The following PRKN variants were observed in gnomAD, a reference collection of about 807,000 sequenced individuals.
PRKN encodes the protein parkin RBR E3 ubiquitin protein ligase.
Under a neutral mutation model 59.5 loss-of-function variants are expected in PRKN, and 56 were observed. The ratio of observed to expected loss-of-function variants is 0.94; its 90% confidence interval spans 0.76 to 1.18. PRKN has a LOEUF of 1.18. Among genes scored for constraint, PRKN ranks in the 50% most tolerant of loss-of-function variants. The probability of loss-of-function intolerance (pLI) is 0.00; values close to 1 mark genes in which losing one functional copy is unlikely to be tolerated. For synonymous variants in PRKN, 250 were observed against 222.1 expected (o/e 1.13, Z -1.12); for missense variants, 657 against 596.4 (o/e 1.10, Z -1.06).
intron 4 of PRKN, among the ~76,000 whole-genome samples, chr6:162,143,822 A>G (rs995475944): frequency 1.3e-5 from 2 of 152,308 alleles, no homozygotes; most frequent in East Asian, 3.9e-4. Flanking sequence ...ATTCAAGAAG[A>G]CAGGAGTGAA....
At chr6:162,493,877 A>C (rs1211001708) in intron 1 of PRKN, among the ~76,000 whole-genome samples, 4 of 152,110 alleles carry the variant, frequency 2.6e-5, no homozygotes, top group Non-Finnish European at 5.9e-5. Flanking sequence ...CTTCAGGAAA[A>C]CCAGCCTCCT....
chr6:162,135,741 T>C (rs1413099459), intron 4 of PRKN, among the ~76,000 whole-genome samples: 1 of 151,886 alleles, frequency 6.6e-6, no homozygotes, highest in African/African-American at 2.4e-5. Context: ...AGGTGAAAGG[T>C]GAAAGGCTGA....
chr6:162,577,693 C>G (rs1316121671), intron 1 of PRKN, among the ~76,000 whole-genome samples: 2 of 152,042 alleles, frequency 1.3e-5, no homozygotes, highest in Non-Finnish European at 2.9e-5. Flanking sequence ...CTTTGGGAAG[C>G]CAAGAGAGAA....
At chr6:162,254,078 A>G (rs187302146) in intron 3 of PRKN, among the ~76,000 whole-genome samples, 2 of 152,312 alleles carry the variant, frequency 1.3e-5, no homozygotes, top group East Asian at 3.9e-4. Flanking sequence ...GAACAACTTC[A>G]TGAAGATGCA....
intron 5 of PRKN, among the ~76,000 whole-genome samples, chr6:161,975,636 TA>T (rs1471142070): frequency 6.6e-6 from 1 of 152,116 alleles, no homozygotes; most frequent in Non-Finnish European, 1.5e-5. Context: ...ACGGACTTGC[TA>T]AACCAGAGAT....
At chr6:162,335,637 G>T (rs570046422) in intron 2 of PRKN, among the ~76,000 whole-genome samples, 6 of 152,212 alleles carry the variant, frequency 3.9e-5, no homozygotes, top group African/African-American at 1.2e-4. Flanking sequence ...TTCTTTAAAA[G>T]AAGTTGACTT....
intron 7 of PRKN, chr6:161,716,280 A>G (rs1193092793): frequency 9.3e-6 from 4 of 428,452 alleles, no homozygotes; most frequent in Admixed American, 7.8e-5. Context: ...AGGAGGAACT[A>G]GAGGCATTTT....
chr6:162,321,333 GA>G (rs1783015215), intron 2 of PRKN, among the ~76,000 whole-genome samples: 1 of 151,794 alleles, frequency 6.6e-6, no homozygotes, highest in Admixed American at 6.6e-5. Flanking sequence ...AAGCCAGAGA[GA>G]AAAGAAAACT....
intron 6 of PRKN, among the ~76,000 whole-genome samples, chr6:161,886,353 A>G (rs79830791): frequency 0.019 from 2,966 of 152,324 alleles, 77 homozygotes; most frequent in African/African-American, 0.068. Context: ...ACATGAAAAC[A>G]AACTTCTCCA....
chr6:161,516,756 A>G (rs12527859), intron 9 of PRKN, among the ~76,000 whole-genome samples: 10,286 of 134,270 alleles, frequency 0.077, 468 homozygotes, highest in African/African-American at 0.14. Context: ...AAACCTGGGC[A>G]GTGCGGGTTG....
intron 7 of PRKN, among the ~76,000 whole-genome samples, chr6:161,742,521 T>A (rs1788231890): frequency 6.6e-6 from 1 of 152,210 alleles, no homozygotes; most frequent in Admixed American, 6.5e-5. Flanking sequence ...AATATTTTAG[T>A]CATCTGCCCT....
intron 9 of PRKN, among the ~76,000 whole-genome samples, chr6:161,539,370 C>T (rs1220551203): frequency 5.6e-5 from 8 of 144,062 alleles, no homozygotes; most frequent in South Asian, 2.1e-4. Context: ...TTGCTCCTGA[C>T]GCATTCCAGG....
chr6:161,375,688 C>T (rs934803160), intron 10 of PRKN, among the ~76,000 whole-genome samples: 5 of 152,190 alleles, frequency 3.3e-5, no homozygotes, highest in African/African-American at 9.6e-5. Context: ...CCTTTGACGA[C>T]CTGCCAAGGG....
At chr6:162,382,749 A>T (rs1054651710) in intron 2 of PRKN, among the ~76,000 whole-genome samples, 1 of 152,184 alleles carries the variant, frequency 6.6e-6, no homozygotes, top group African/African-American at 2.4e-5. Flanking sequence ...TCCATAGCAT[A>T]TGATGCTGAT....
At chr6:162,474,244 A>G (rs911784562) in intron 1 of PRKN, among the ~76,000 whole-genome samples, 2 of 152,232 alleles carry the variant, frequency 1.3e-5, no homozygotes, top group Admixed American at 1.3e-4. Flanking sequence ...AGCATAATAC[A>G]TCTTACTTCT....
At chr6:161,976,313 C>G (rs1781029110) in intron 5 of PRKN, among the ~76,000 whole-genome samples, 1 of 152,160 alleles carries the variant, frequency 6.6e-6, no homozygotes, top group South Asian at 2.1e-4. Context: ...TTAACTAAAC[C>G]TATCCTATCT....
At chr6:162,655,256 A>G (rs1351925456) in intron 1 of PRKN, among the ~76,000 whole-genome samples, 1 of 152,206 alleles carries the variant, frequency 6.6e-6, no homozygotes, top group Non-Finnish European at 1.5e-5. Context: ...TCTATAAAAA[A>G]GGAAAATCAC....
At chr6:162,454,949 G>T (rs1790798430) in intron 1 of PRKN, among the ~76,000 whole-genome samples, 1 of 152,170 alleles carries the variant, frequency 6.6e-6, no homozygotes, top group African/African-American at 2.4e-5. Context: ...TAGGAACGAT[G>T]ATGTATTTTT....
chr6:162,153,682 G>C (rs999358431), intron 4 of PRKN, among the ~76,000 whole-genome samples: 1 of 152,112 alleles, frequency 6.6e-6, no homozygotes, highest in African/African-American at 2.4e-5. Context: ...CTCAGCAGAG[G>C]GGGAGCTGGA....
Sources: gnomAD v4.1 joint callset for allele counts (sites outside exome capture counted in the v4.1 genomes callset) on GRCh38, gnomAD v4.1.1 for gene constraint, MANE v1.5 for transcripts, NCBI Gene and HGNC (gene_info 2026-07-23, HGNC 2026-07-21) for gene names.